The following TRIM16 variants were observed in gnomAD, a reference collection of about 807,000 sequenced individuals.
The protein encoded by TRIM16 is tripartite motif containing 16, also known as tripartite motif-containing protein 16.
TRIM16 carries 33 observed loss-of-function variants against 50.4 expected under a neutral mutation model. The ratio of observed to expected loss-of-function variants is 0.65; its 90% CI spans 0.50 to 0.88. The LOEUF (loss-of-function observed/expected upper bound fraction) is 0.88, where lower values mean the gene tolerates loss of function less well. Ranked by LOEUF, TRIM16 falls within the 40% of genes least tolerant of loss-of-function variation. TRIM16 has a pLI of 0.00. For missense variants in TRIM16, 581 were observed against 686.8 expected (o/e 0.85, Z 1.72); for synonymous variants, 229 against 270.7 (o/e 0.85, Z 1.51).
chr17:15,664,536 C>A (rs1988389811), intron 6 of TRIM16, among the ~76,000 whole-genome samples: 1 of 151,810 alleles, frequency 6.6e-6, no homozygotes, highest in Non-Finnish European at 1.5e-5. Flanking sequence ...CTGATGTGAT[C>A]CAGACAGAGA....
intron 7 of TRIM16, among the ~76,000 whole-genome samples, chr17:15,646,165 G>A (rs1987368525): frequency 6.6e-6 from 1 of 152,182 alleles, no homozygotes; most frequent in South Asian, 2.1e-4. Context: ...CATAAAAGGA[G>A]AGAAAAGGAC....
At chr17:15,672,460 G>A (rs1004736846) in intron 6 of TRIM16, among the ~76,000 whole-genome samples, 3 of 150,772 alleles carry the variant, frequency 2.0e-5, no homozygotes, top group African/African-American at 4.9e-5. Flanking sequence ...AATGCTGGGC[G>A]TGGCGGCTCA....
chr17:15,677,550 C>T, intron 5 of TRIM16, 25 bp downstream of exon 5: 1 of 1,046,518 alleles, frequency 9.6e-7, no homozygotes, highest in Non-Finnish European at 1.2e-6. Flanking sequence ...AAAGGTCAAT[C>T]TGGGGTGGAA....
At chr17:15,648,433 T>C (rs1164979785) in intron 7 of TRIM16, among the ~76,000 whole-genome samples, 1 of 152,102 alleles carries the variant, frequency 6.6e-6, no homozygotes, top group Non-Finnish European at 1.5e-5. Context: ...CTAGAAACCA[T>C]AGGAGCTTCA....
At chr17:15,670,221 C>G (rs1370771995) in intron 6 of TRIM16, among the ~76,000 whole-genome samples, 1 of 152,130 alleles carries the variant, frequency 6.6e-6, no homozygotes, top group Non-Finnish European at 1.5e-5. Context: ...CAGTAAATCC[C>G]CAATTGCCAC....
At chr17:15,629,271 G>A in intron 11 of TRIM16, 73 bp from the exon 12 acceptor site, 1 of 875,282 alleles carries the variant, frequency 1.1e-6, no homozygotes, top group South Asian at 1.8e-5. Context: ...TTTAAACCCA[G>A]CTGGGCTCCA....
intron 8 of TRIM16, among the ~76,000 whole-genome samples, chr17:15,641,885 C>T (rs906675247): frequency 6.7e-6 from 1 of 148,648 alleles, no homozygotes; most frequent in African/African-American, 2.5e-5. Flanking sequence ...CTCTGTTACC[C>T]AGGCTGGAGT....
intron 6 of TRIM16, among the ~76,000 whole-genome samples, chr17:15,662,047 T>G (rs114157782): frequency 6.6e-6 from 1 of 152,192 alleles, no homozygotes; most frequent in African/African-American, 2.4e-5. Flanking sequence ...CCGACATCCA[T>G]GCACTCCAGC....
intron 6 of TRIM16, among the ~76,000 whole-genome samples, chr17:15,666,998 C>T (rs1461764002): frequency 6.6e-6 from 1 of 152,130 alleles, no homozygotes; most frequent in African/African-American, 2.4e-5. Context: ...TGGAGCAGAA[C>T]TAATAGGCTT....
At chr17:15,682,350 G>A (rs1364563311) in intron 3 of TRIM16, among the ~76,000 whole-genome samples, 7 of 152,166 alleles carry the variant, frequency 4.6e-5, no homozygotes, top group Admixed American at 1.3e-4. Flanking sequence ...ACAATCAGTC[G>A]GGGCTAAGGT....
rs771630816 is a variant in TRIM16, at chr17:15,628,854, G to T, written c.1456C>A (p.Pro486Thr). The change falls in exon 12 of 12, where the codon CCA (proline) becomes ACA (threonine). Residue 486 changes from proline (P) to threonine (T), a missense_variant. Around this residue, in one of 3 missense-constraint regions of TRIM16, gnomAD observed 115 missense variants for 106.7 expected, o/e 1.08. Transcript: ENST00000649191. ...FTAWYSDMET[P>T]LKAGPFRRLG... ...CTCCGGAAAGGGCCAGCTTTGAGTG[G>T]GGTCTCCATGTCACTGTACCAGGCC... 10 of 1,614,082 alleles carry T rather than the reference G, an allele frequency of 6.2e-6. No homozygotes were observed. The highest frequency in any genetic ancestry group is 8.5e-6 in the Non-Finnish European group (10 of 1,180,030).
intron 6 of TRIM16, among the ~76,000 whole-genome samples, chr17:15,657,492 T>C (rs1988032439): frequency 6.6e-6 from 1 of 152,214 alleles, no homozygotes; most frequent in African/African-American, 2.4e-5. Context: ...TCCACAACTC[T>C]TTTCATCTTG....
At position 15,651,706 on chromosome 17, in the gene TRIM16, A is replaced by C; in HGVS notation, c.-97T>G. On this transcript the variant is annotated 5_prime_UTR_variant, in exon 7 of 12. Coordinates refer to ENST00000649191, the MANE Select transcript of TRIM16 (RefSeq NM_001348119.1). ...AAGAGAACCACGCCTAGATGATTGCAGCTGCTGCAAGATTTTAACTGTTTC... is the reference window on the plus strand; with the variant it reads ...AAGAGAACCACGCCTAGATGATTGCCGCTGCTGCAAGATTTTAACTGTTTC... 6.5e-7 allele frequency: 1 copy of C among 1,542,130 alleles called. No individual in the cohort carries two copies. Among genetic ancestry groups the C allele is most frequent in the Non-Finnish European group, 8.7e-7 (1 of 1,148,106 alleles).
chr17:15,634,734 C>A (rs1434640336), intron 9 of TRIM16, among the ~76,000 whole-genome samples: 1 of 148,878 alleles, frequency 6.7e-6, no homozygotes, highest in Non-Finnish European at 1.5e-5. Flanking sequence ...TTGCTTGAAT[C>A]CGGGAGGCGG....
intron 9 of TRIM16, among the ~76,000 whole-genome samples, chr17:15,633,633 T>C (rs1272914474): frequency 6.9e-6 from 1 of 145,308 alleles, no homozygotes; most frequent in Non-Finnish European, 1.5e-5. Flanking sequence ...TCTTGCCTGC[T>C]AGGTTCAAGC....
chr17:15,671,398 T>G (rs955988841), intron 6 of TRIM16, among the ~76,000 whole-genome samples: 9 of 148,316 alleles, frequency 6.1e-5, no homozygotes, highest in African/African-American at 2.0e-4. Context: ...TCTTTTGGTT[T>G]GGGGGGATAT....
chr17:15,651,443 T>TCC lies in TRIM16; in HGVS notation c.165_166dup (p.Glu56GlyfsTer33). The TCC allele has an allele frequency of 6.2e-7, 1 of 1,612,670 alleles. No homozygotes were observed. Among genetic ancestry groups the TCC allele is most frequent in the Non-Finnish European group, 8.5e-7 (1 of 1,178,984 alleles). ...CTCTGCAGAGTCGCTGTCCTGTTCCTCCGTCTCCCTGCCAAGCTTCTCCGA... is the reference window on the plus strand; with the variant it reads ...CTCTGCAGAGTCGCTGTCCTGTTCCTCCCCGTCTCCCTGCCAAGCTTCTCCGA... On this transcript the variant is annotated frameshift_variant, in exon 7 of 12. Transcript: ENST00000649191. LOFTEE classifies it high-confidence loss of function.
At chr17:15,631,886 G>A in intron 10 of TRIM16, 172 bp from the exon 11 acceptor site, 2 of 635,832 alleles carry the variant, frequency 3.1e-6, no homozygotes, top group Non-Finnish European at 2.7e-6. Context: ...CATAGGTAAG[G>A]CATAAACCAC....
At chr17:15,681,410 C>T (rs528273913) in intron 3 of TRIM16, among the ~76,000 whole-genome samples, 2 of 152,334 alleles carry the variant, frequency 1.3e-5, no homozygotes, top group African/African-American at 4.8e-5. Flanking sequence ...GCCACCCCAT[C>T]GTGAGTATTC....
Sources: allele counts gnomAD v4.1 joint callset (sites outside exome capture counted in the v4.1 genomes callset), GRCh38; gene constraint gnomAD v4.1.1; regional missense constraint gnomAD v4.1.1; transcripts MANE v1.5; gene names NCBI Gene and HGNC (gene_info 2026-07-23, HGNC 2026-07-21).